The following BUB1B variants were observed in gnomAD, a reference collection of about 807,000 sequenced individuals.
BUB1B encodes BUB1 mitotic checkpoint serine/threonine kinase B.
In BUB1B, 86 loss-of-function variants were observed where a neutral mutation model predicts 137.7. That is an observed-to-expected ratio of 0.62 (90% confidence interval 0.52 to 0.75). BUB1B has a LOEUF of 0.75. Ranked by LOEUF, BUB1B falls within the 30% of genes least tolerant of loss-of-function variation. The probability of loss-of-function intolerance (pLI) is 0.00; values close to 1 mark genes in which losing one functional copy is unlikely to be tolerated. For synonymous variants in BUB1B, 420 were observed against 417.9 expected (o/e 1.00, Z -0.06); for missense variants, 1,130 against 1,236.9 (o/e 0.91, Z 1.30).
chr15:40,172,802 A>G (rs1451997396), intron 4 of BUB1B, among the ~76,000 whole-genome samples: 2 of 152,216 alleles, frequency 1.3e-5, no homozygotes, highest in Non-Finnish European at 2.9e-5. Flanking sequence ...TTACATCCTT[A>G]GTGAAAGGTT....
intron 20 of BUB1B, among the ~76,000 whole-genome samples, chr15:40,214,549 G>C (rs1006270944): frequency 6.6e-6 from 1 of 152,116 alleles, no homozygotes; most frequent in Non-Finnish European, 1.5e-5. Flanking sequence ...CTAATAGCTG[G>C]ACTTACTCTT....
intron 8 of BUB1B, among the ~76,000 whole-genome samples, chr15:40,186,201 G>A (rs2037358603): frequency 1.3e-5 from 2 of 152,076 alleles, no homozygotes; most frequent in South Asian, 4.1e-4. Context: ...GGATAATGGG[G>A]ATGTAGGGAA....
intron 9 of BUB1B, among the ~76,000 whole-genome samples, chr15:40,198,354 A>T (rs1307736536): frequency 6.6e-6 from 1 of 151,938 alleles, no homozygotes; most frequent in Non-Finnish European, 1.5e-5. Flanking sequence ...CTGGGATTAT[A>T]GGCATGAGCC....
chr15:40,202,039 A>G (rs755962076), intron 12 of BUB1B, among the ~76,000 whole-genome samples: 1 of 152,140 alleles, frequency 6.6e-6, no homozygotes, highest in Non-Finnish European at 1.5e-5. Context: ...ATATTCATAA[A>G]TTGTTCATTT....
intron 12 of BUB1B, among the ~76,000 whole-genome samples, chr15:40,201,428 C>G (rs2037567513): frequency 6.6e-6 from 1 of 152,146 alleles, no homozygotes; most frequent in African/African-American, 2.4e-5. Flanking sequence ...AATTAAACCT[C>G]TGTTTCTAAC....
Position 40,202,474 on chromosome 15 carries a change from T to C in BUB1B, c.1628+9T>C, listed in dbSNP as rs112600564. 1.2e-4 allele frequency: 189 copies of C among 1,607,890 alleles called. No individual in the cohort carries two copies. In the African/African-American group the frequency reaches 2.3e-3, roughly 20 times the overall value. Reference sequence around the variant, plus strand: ...GAAAAGAAGAATAAAAGGTACGTTGTTTTTTTGTTTTTTTGGTTTTTTTTT... The same window carrying C: ...GAAAAGAAGAATAAAAGGTACGTTGCTTTTTTGTTTTTTTGGTTTTTTTTT... On this transcript the variant is annotated intron_variant, in intron 13 of 22. Coordinates refer to ENST00000287598, the MANE Select transcript of BUB1B (RefSeq NM_001211.6).
intron 4 of BUB1B, among the ~76,000 whole-genome samples, chr15:40,174,445 A>G (rs917445840): frequency 6.6e-6 from 1 of 152,252 alleles, no homozygotes; most frequent in East Asian, 1.9e-4. Context: ...GGGCTGGCAT[A>G]TCATAGCAAT....
chr15:40,203,021 C>G (rs190661675), intron 14 of BUB1B, among the ~76,000 whole-genome samples: 2 of 152,168 alleles, frequency 1.3e-5, no homozygotes, highest in Non-Finnish European at 2.9e-5. Flanking sequence ...ATGTTAAACA[C>G]AGTTACCATA....
Position 40,200,256 on chromosome 15 carries a change from A to G in BUB1B, c.1414A>G (p.Met472Val). ...TTAATGCAAACAGCAAGAAGAGACG[A>G]TGCCTACAAAGGAGACAACTAAACT... ...ERTGDQQEETMPTKETTKLQI... is the reference protein window; with the variant it reads ...ERTGDQQEETVPTKETTKLQI... Residue 472 changes from methionine to valine, a missense_variant, in exon 11 of 23, where the codon ATG becomes GTG. Coordinates refer to ENST00000287598, the MANE Select transcript of BUB1B (RefSeq NM_001211.6). 2 of 1,613,006 alleles carry G rather than the reference A, an allele frequency of 1.2e-6. No homozygotes were observed. Among genetic ancestry groups the G allele is most frequent in the Non-Finnish European group, 1.7e-6 (2 of 1,179,142 alleles).
intron 2 of BUB1B, 77 bp downstream of exon 2, chr15:40,165,273 GA>G: frequency 6.3e-7 from 1 of 1,595,174 alleles, no homozygotes; most frequent in Non-Finnish European, 8.6e-7. Context: ...GGATCCATGA[GA>G]GATGGCATAA....
chr15:40,196,414 A>T, intron 8 of BUB1B, 131 bp from the exon 9 acceptor site: 1 of 789,708 alleles, frequency 1.3e-6, no homozygotes, highest in Non-Finnish European at 2.1e-6. Flanking sequence ...GAAGTCAGGT[A>T]ATGTAAGGCC....
At chr15:40,193,603 T>A (rs895376710) in intron 8 of BUB1B, among the ~76,000 whole-genome samples, 3 of 141,734 alleles carry the variant, frequency 2.1e-5, no homozygotes, top group African/African-American at 7.5e-5. Flanking sequence ...GCCTGGCTAA[T>A]TTTTTTTTTG....
At position 40,220,893 on chromosome 15, in the gene BUB1B, A is replaced by G. The variant is rs923750743; in HGVS notation, c.*134A>G. On this transcript the variant is annotated 3_prime_UTR_variant, in exon 23 of 23. Transcript: ENST00000287598. ...CCATTGCTGTTCTACTTTTTGGTAC[A>G]GGTATATTTTGACGTCACTGATATT... 1.0e-6 allele frequency: 1 copy of G among 974,404 alleles called. No individual in the cohort carries two copies. The highest frequency in any genetic ancestry group is 1.6e-6 in the Non-Finnish European group (1 of 624,324). The allele number at this position is 974,404 out of a possible 1,614,324, so 60.4% of individuals were successfully genotyped here.
Position 40,220,598 on chromosome 15 carries a change from G to T in BUB1B, c.2992G>T (p.Val998Leu). 6.2e-7 allele frequency: 1 copy of T among 1,614,170 alleles called. No homozygotes were observed. Among genetic ancestry groups the T allele is most frequent in the East Asian group, 2.2e-5 (1 of 44,882 alleles). ...TGGTGAATTGTGGAATAAATTCTTTGTGCGGATTCTGAATGCCAATGATGA... is the reference window on the plus strand; with the variant it reads ...TGGTGAATTGTGGAATAAATTCTTTTTGCGGATTCTGAATGCCAATGATGA... ...KDGELWNKFF[V>L]RILNANDEAT... The change falls in exon 23 of 23, where the codon GTG becomes TTG. Residue 998 changes from valine to leucine, a missense_variant. Physicochemically the swap from Val to Leu is conservative, Grantham distance 32. Transcript: ENST00000287598.
At chr15:40,173,312 A>AT (rs2037187375) in intron 4 of BUB1B, among the ~76,000 whole-genome samples, 2 of 151,226 alleles carry the variant, frequency 1.3e-5, no homozygotes, top group South Asian at 4.1e-4. Context: ...AAAAAAAAAA[A>AT]AAAAAGATTG....
chr15:40,185,747 AC>A, intron 8 of BUB1B, 105 bp downstream of exon 8: 1 of 1,101,268 alleles, frequency 9.1e-7, no homozygotes, highest in Non-Finnish European at 1.4e-6. Context: ...GATGAAAGTA[AC>A]CAGGCCAGGC....
At chr15:40,210,790 C>T (rs1039078778) in intron 18 of BUB1B, among the ~76,000 whole-genome samples, 1 of 152,206 alleles carries the variant, frequency 6.6e-6, no homozygotes, top group African/African-American at 2.4e-5. Context: ...AGGCATCTAA[C>T]TTTGCTTTTG....
intron 8 of BUB1B, among the ~76,000 whole-genome samples, chr15:40,193,787 G>C (rs912893299): frequency 6.6e-6 from 1 of 151,954 alleles, no homozygotes; most frequent in Non-Finnish European, 1.5e-5. Context: ...CCAGCTACTC[G>C]GGAGGCGGAG....
chr15:40,175,633 T>C (rs2037215153), intron 4 of BUB1B, among the ~76,000 whole-genome samples: 1 of 152,198 alleles, frequency 6.6e-6, no homozygotes, highest in Admixed American at 6.5e-5. Context: ...ATCTACATTG[T>C]ATATGGTCTC....
Sources: gnomAD v4.1 joint callset for allele counts (sites outside exome capture counted in the v4.1 genomes callset) on GRCh38, gnomAD v4.1.1 for gene constraint, MANE v1.5 for transcripts, NCBI Gene and HGNC (gene_info 2026-07-23, HGNC 2026-07-21) for gene names.